RORA: variants seen among roughly 807,000 people sequenced by gnomAD.
The protein encoded by RORA is nuclear receptor ROR-alpha.
Under a neutral mutation model 69.5 loss-of-function variants are expected in RORA, and 7 were observed. The ratio of observed to expected loss-of-function variants is 0.10; its 90% CI spans 0.06 to 0.19. The LOEUF (loss-of-function observed/expected upper bound fraction) is 0.19. Ranked by LOEUF, RORA falls within the 10% of genes least tolerant of loss-of-function variation. The pLI is 1.00. For synonymous variants in RORA, 261 were observed against 240.8 expected, an observed-to-expected ratio of 1.08 and a Z score of -0.78; for missense variants, 457 against 663.0, an observed-to-expected ratio of 0.69 and a Z score of 3.41.
At chr15:60,888,118 T>A (rs1454837827) in intron 1 of RORA, among the ~76,000 whole-genome samples, 1 of 152,230 alleles carries the variant, frequency 6.6e-6, no homozygotes, top group African/African-American at 2.4e-5. Flanking sequence ...TCTTCTTGCC[T>A]CATACATACC....
rs894082825 is a variant in RORA, at chr15:60,743,992, G to A, written c.167-65306C>T. On this transcript the variant is annotated intron_variant, in intron 1 of 10. Transcript: ENST00000335670. ...TTGGAGAAACCAGACTCACAGGAGG[G>A]GAAATGCTAGATCTGTAAGATAAGG... 4.6e-5 allele frequency among the ~76,000 whole-genome samples: 7 copies of A among 152,108 alleles called. No individual in the cohort carries two copies. In the South Asian group the frequency reaches 1.2e-3, roughly 27 times the overall value.
intron 1 of RORA, among the ~76,000 whole-genome samples, chr15:61,070,914 C>T (rs2078332603): frequency 6.6e-6 from 1 of 152,024 alleles, no homozygotes; most frequent in Admixed American, 6.5e-5. Flanking sequence ...TTACAAAAAA[C>T]TGGGTATAAA....
intron 1 of RORA, among the ~76,000 whole-genome samples, chr15:60,809,824 G>C (rs2072717160): frequency 1.3e-5 from 2 of 148,802 alleles, no homozygotes; most frequent in Non-Finnish European, 3.0e-5. Flanking sequence ...TAACTTTTTT[G>C]CTTGCTTAAT....
At chr15:60,835,474 T>C (rs1485471250) in intron 1 of RORA, among the ~76,000 whole-genome samples, 1 of 152,108 alleles carries the variant, frequency 6.6e-6, no homozygotes, top group Non-Finnish European at 1.5e-5. Flanking sequence ...GCTCTCTGAT[T>C]GGCCTTCCAG....
At chr15:61,108,872 C>T (rs1259519863) in intron 1 of RORA, among the ~76,000 whole-genome samples, 7 of 152,178 alleles carry the variant, frequency 4.6e-5, no homozygotes, top group Non-Finnish European at 8.8e-5. Flanking sequence ...TGTGCCAATA[C>T]TGTCTGTAAA....
At chr15:61,006,842 T>A (rs1053888969) in intron 1 of RORA, among the ~76,000 whole-genome samples, 1 of 152,172 alleles carries the variant, frequency 6.6e-6, no homozygotes. Context: ...TGGAGCTTAT[T>A]TCTATCTCTA....
At chr15:61,125,946 T>C (rs1452514380) in intron 1 of RORA, among the ~76,000 whole-genome samples, 3 of 152,244 alleles carry the variant, frequency 2.0e-5, no homozygotes, top group Admixed American at 2.0e-4. Context: ...CAAAATTTCA[T>C]GTTGGGAAGC....
chr15:60,826,044 C>T (rs1042032650), intron 1 of RORA, among the ~76,000 whole-genome samples: 3 of 152,136 alleles, frequency 2.0e-5, no homozygotes, highest in African/African-American at 7.2e-5. Flanking sequence ...CTAGTTCTCA[C>T]CTTAGGCAGG....
intron 1 of RORA, among the ~76,000 whole-genome samples, chr15:61,158,430 C>T (rs542431617): frequency 2.6e-5 from 4 of 152,154 alleles, no homozygotes; most frequent in African/African-American, 4.8e-5. Flanking sequence ...ACTTTTCATT[C>T]CTCCTCCAAG....
intron 1 of RORA, among the ~76,000 whole-genome samples, chr15:61,112,866 T>C (rs1268572194): frequency 1.3e-5 from 2 of 152,216 alleles, no homozygotes; most frequent in African/African-American, 2.4e-5. Context: ...ACCAACTCTA[T>C]TGTCTGTCTC....
In RORA at chr15:60,869,654, C is replaced by T. The variant is rs189252729; in HGVS notation, c.167-190968G>A. Among the ~76,000 whole-genome samples the T allele has an allele frequency of 3.3e-4, 50 of 152,306 alleles. No individual in the cohort carries two copies. In the East Asian group the frequency reaches 8.5e-3, roughly 26 times the overall value. On this transcript the variant is annotated intron_variant, in intron 1 of 10. Transcript: ENST00000335670. ...AACATTTGTTAAAAGTTTAAATTTG[C>T]CCCAGCTGCTCTCAAGTAATGGCTT...
chr15:60,502,363 T>G (rs2065357742), intron 8 of RORA, among the ~76,000 whole-genome samples: 1 of 152,222 alleles, frequency 6.6e-6, no homozygotes, highest in Non-Finnish European at 1.5e-5. Flanking sequence ...TCAGTCTCAT[T>G]AATGGTTACT....
rs553967011 is a variant in RORA at position 60,713,071 on chromosome 15, G to T, written c.167-34385C>A. 2.0e-5 allele frequency among the ~76,000 whole-genome samples: 3 copies of T among 152,196 alleles called. No individual in the cohort carries two copies. The East Asian group carries it at 5.8e-4, about 29-fold the overall frequency. On this transcript the variant is annotated intron_variant, in intron 1 of 10. Transcript: ENST00000335670. ...TTCCTTTACTTTTTTTCAGACTGTG[G>T]CCAGGGCTTCCCTGGCAATAAAAGA...
At chr15:60,612,661 GTTTTTT>G (rs71122864) in intron 2 of RORA, among the ~76,000 whole-genome samples, 31,989 of 107,184 alleles carry the variant, frequency 0.3, 4,115 homozygotes, top group East Asian at 0.55. Flanking sequence ...CTCTCTCTCT[GTTTTTT>G]TTTTTTTTTT....
intron 1 of RORA, among the ~76,000 whole-genome samples, chr15:61,078,597 C>T (rs1315151179): frequency 1.3e-5 from 2 of 152,082 alleles, no homozygotes; most frequent in Middle Eastern, 3.2e-3. Context: ...AAAACCAATG[C>T]TCAGAGAGGA....
intron 1 of RORA, among the ~76,000 whole-genome samples, chr15:60,899,856 T>C (rs1168442561): frequency 1.3e-5 from 2 of 152,232 alleles, no homozygotes; most frequent in Admixed American, 6.5e-5. Context: ...AAACTCTTTG[T>C]TGAGATGCTG....
intron 1 of RORA, among the ~76,000 whole-genome samples, chr15:60,744,895 C>G (rs1400436692): frequency 1.3e-5 from 2 of 152,114 alleles, no homozygotes; most frequent in Non-Finnish European, 2.9e-5. Context: ...GACAATTTCC[C>G]CACCTCATTT....
intron 1 of RORA, among the ~76,000 whole-genome samples, chr15:60,837,571 C>A (rs1322797710): frequency 6.6e-6 from 1 of 152,226 alleles, no homozygotes; most frequent in African/African-American, 2.4e-5. Context: ...TCCTGCCCTG[C>A]CTTCCATGGG....
At chr15:60,520,611 A>G (rs1384384020) in intron 3 of RORA, among the ~76,000 whole-genome samples, 1 of 152,118 alleles carries the variant, frequency 6.6e-6, no homozygotes, top group East Asian at 1.9e-4. Context: ...GAAATCCTGC[A>G]AAAGGATTAG....
Sources: allele counts gnomAD v4.1 joint callset (sites outside exome capture counted in the v4.1 genomes callset), GRCh38; gene constraint gnomAD v4.1.1; transcripts MANE v1.5; gene names NCBI Gene and HGNC (gene_info 2026-07-23, HGNC 2026-07-21).